ARHGEF10: variants seen among roughly 807,000 people sequenced by gnomAD.
The protein encoded by ARHGEF10 is Rho guanine nucleotide exchange factor 10.
Under a neutral mutation model 147.4 loss-of-function variants are expected in ARHGEF10, and 140 were observed. The ratio of observed to expected loss-of-function variants is 0.95; its 90% CI spans 0.83 to 1.09. The LOEUF is 1.09. ARHGEF10 is among the 50% of genes least tolerant of loss of function. ARHGEF10 has a pLI of 0.00. For synonymous variants in ARHGEF10, 902 were observed against 695.8 expected (o/e 1.30, Z -4.67); for missense variants, 2,222 against 1,752.7 (o/e 1.27, Z -4.78).
chr8:1,903,229 G>T, intron 15 of ARHGEF10, 52 bp from the exon 16 acceptor site: 1 of 1,605,060 alleles, frequency 6.2e-7, no homozygotes, highest in Non-Finnish European at 8.5e-7. Context: ...GACTGTTGTT[G>T]CACTGGGAGT....
intron 4 of ARHGEF10, among the ~76,000 whole-genome samples, chr8:1,860,393 C>G (rs1473528634): frequency 2.8e-5 from 4 of 142,054 alleles, no homozygotes; most frequent in South Asian, 4.5e-4. Flanking sequence ...AACCTTCCCC[C>G]CTCCTCCTCC....
chr8:1,824,399 G>A (rs1218393606), intron 1 of ARHGEF10, among the ~76,000 whole-genome samples: 1 of 152,032 alleles, frequency 6.6e-6, no homozygotes, highest in Non-Finnish European at 1.5e-5. Context: ...AGCGAACTCC[G>A]ATCGGCGGAA....
At chr8:1,858,242 C>CCCCAGGTGAGTCCCCTGGGGGGTT (rs1202366436) in intron 3 of ARHGEF10, 127 bp downstream of exon 3, 4 of 852,318 alleles carry the variant, frequency 4.7e-6, no homozygotes, top group Admixed American at 5.9e-5. Flanking sequence ...CCAGGTGGGT[C>CCCCAGGTGAGTCCCCTGGGGGGTT]CCCAGGTGAG....
chr8:1,856,416 C>G (rs1235834707), intron 2 of ARHGEF10, among the ~76,000 whole-genome samples: 1 of 152,176 alleles, frequency 6.6e-6, no homozygotes, highest in Non-Finnish European at 1.5e-5. Context: ...CTGGGCCCCT[C>G]TGTGTATTTG....
Position 1,844,596 on chromosome 8 carries a change from A to G in ARHGEF10, c.37+1160A>G, listed in dbSNP as rs149844306. Among the ~76,000 whole-genome samples the G allele has an allele frequency of 8.1e-3, 1,232 of 152,232 alleles. 8 individuals are homozygous for G. Among genetic ancestry groups the G allele is most frequent in the Non-Finnish European group, 0.013 (905 of 68,004 alleles). ...GCTCCTGGAGTTCTCCGGAGCCGCA[A>G]GACCACGGGGTACGGGACCCGGTAC... is the stretch of plus-strand genomic sequence containing the variant. On this transcript the variant is annotated intron_variant, in intron 2 of 28. Coordinates refer to ENST00000349830, the MANE Select transcript of ARHGEF10 (RefSeq NM_014629.4).
At chr8:1,942,717 A>G (rs1332081190) in intron 26 of ARHGEF10, among the ~76,000 whole-genome samples, 1 of 152,168 alleles carries the variant, frequency 6.6e-6, no homozygotes, top group African/African-American at 2.4e-5. Context: ...GGACAAACAG[A>G]ATGTGGTTCC....
At chr8:1,858,829 C>G (rs979205588) in intron 3 of ARHGEF10, 2 of 87,760 alleles carry the variant, frequency 2.3e-5, no homozygotes, top group Non-Finnish European at 5.0e-5. Context: ...GTAGTACCAG[C>G]CTGTCAGTTT....
intron 9 of ARHGEF10, among the ~76,000 whole-genome samples, chr8:1,881,443 C>A (rs946812260): frequency 6.6e-6 from 1 of 152,174 alleles, no homozygotes; most frequent in Admixed American, 6.5e-5. Context: ...GACGGAAACG[C>A]GCAGGCGGGC....
intron 27 of ARHGEF10, among the ~76,000 whole-genome samples, chr8:1,947,220 G>T (rs1814661753): frequency 6.6e-6 from 1 of 152,206 alleles, no homozygotes; most frequent in Non-Finnish European, 1.5e-5. Flanking sequence ...TACACAAGGG[G>T]AGGTGAGGAG....
chr8:1,829,482 G>A (rs954293728), intron 1 of ARHGEF10, among the ~76,000 whole-genome samples: 2 of 152,210 alleles, frequency 1.3e-5, no homozygotes, highest in Admixed American at 1.3e-4. Flanking sequence ...TAAGAAAGTC[G>A]ACTCATGCTT....
Position 1,889,432 on chromosome 8 carries a change from TCTGTG to T in ARHGEF10, c.1182+3726_1182+3730del, listed in dbSNP as rs1173265647. On this transcript the variant is annotated intron_variant, in intron 11 of 28. Transcript: ENST00000349830. ...AGGAGACACTGAGTGGGGTGAGGGG[TCTGTG>T]AGGAGACACTGAGTGGGGTGAGGGG... is the stretch of plus-strand genomic sequence containing the variant. 4.6e-4 allele frequency among the ~76,000 whole-genome samples: 21 copies of T among 45,312 alleles called. 7 individuals carry two copies. The highest frequency in any genetic ancestry group is 2.7e-3 in the African/African-American group (21 of 7,694). 29.7% of individuals were successfully genotyped at this position (45,312 alleles called of 152,430 possible). A position where few individuals can be genotyped will look rare whatever the true frequency, so the allele number is the denominator to read the frequency against.
In ARHGEF10 at chr8:1,928,639, G is replaced by A. The variant is rs534724203; in HGVS notation, c.2910G>A (p.Thr970=). ...ATGTCCCCACGATCTGTGTAGGGAC[G>A]GAGGAGGGAAGGTAGGGCATGCTCA... ...ASDVPTICVG[T]EEGSISIYKS... Residue 970 remains threonine, a synonymous_variant, in exon 24 of 29, where the codon ACG becomes ACA. Transcript: ENST00000349830. The A allele has an allele frequency of 9.3e-6, 15 of 1,614,088 alleles. 1 individual carries two copies. Among genetic ancestry groups the A allele is most frequent in the Middle Eastern group, 1.7e-4 (1 of 6,048 alleles).
At chr8:1,885,744 C>T in intron 11 of ARHGEF10, 37 bp downstream of exon 11, 2 of 1,441,042 alleles carry the variant, frequency 1.4e-6, no homozygotes, top group South Asian at 1.1e-5. Flanking sequence ...TGTTGACCAG[C>T]AGAGCTGTGC....
Position 1,894,466 on chromosome 8 carries a change from G to A in ARHGEF10, c.1334G>A (p.Arg445Gln), listed in dbSNP as rs1411935030. 3.1e-6 allele frequency: 5 copies of A among 1,614,208 alleles called. No homozygotes were observed. The highest frequency in any genetic ancestry group is 3.4e-6 in the Non-Finnish European group (4 of 1,180,032). ...SERKLKTVFY[R>Q]VKEILQCHSL... ...AGGAAGCTGAAGACGGTGTTCTACC[G>A]AGTCAAAGAGATCCTGCAGTGCCAC... The change falls in exon 13 of 29, where the codon CGA becomes CAA. Residue 445 changes from arginine to glutamine, a missense_variant. Transcript: ENST00000349830.
intron 7 of ARHGEF10, among the ~76,000 whole-genome samples, chr8:1,873,973 C>G (rs1807415461): frequency 6.6e-6 from 1 of 152,176 alleles, no homozygotes; most frequent in Non-Finnish European, 1.5e-5. Flanking sequence ...CCTCCATAGG[C>G]CACTTTTTAA....
rs570262976 is a variant in ARHGEF10, at chr8:1,937,384, T to C, written c.3222+3442T>C. 3.3e-5 allele frequency among the ~76,000 whole-genome samples: 5 copies of C among 152,288 alleles called. No homozygotes were observed. In the East Asian group the frequency reaches 7.7e-4, roughly 24 times the overall value. On this transcript the variant is annotated intron_variant, in intron 26 of 28. Transcript: ENST00000349830. The surrounding 1 kb of genome is among the most constrained non-coding windows in gnomAD (Gnocchi z 4.9). The stretch of plus-strand genomic sequence containing the variant: ...TATTTACAGAGGGAGCTCAGCCATA[T>C]AGTATACGGTGATCTTGGATCAGCC...
intron 26 of ARHGEF10, among the ~76,000 whole-genome samples, chr8:1,940,171 C>G (rs544455729): frequency 1.8e-4 from 27 of 152,276 alleles, no homozygotes; most frequent in South Asian, 1.0e-3. Flanking sequence ...CTTTGCTCCT[C>G]TATAGTCACA....
At chr8:1,869,464 T>A in intron 7 of ARHGEF10, 1 of 677,704 alleles carries the variant, frequency 1.5e-6, no homozygotes, top group Non-Finnish European at 2.7e-6. Context: ...CAGTTTAATC[T>A]TACTTATCCC....
chr8:1,929,810 C>A (rs949616391), intron 25 of ARHGEF10, among the ~76,000 whole-genome samples: 2 of 152,320 alleles, frequency 1.3e-5, no homozygotes, highest in South Asian at 2.1e-4. Flanking sequence ...CCTGGGCCAG[C>A]CCTCTTTGCC....
Sources: gnomAD v4.1 joint callset for allele counts (sites outside exome capture counted in the v4.1 genomes callset) on GRCh38, gnomAD v4.1.1 for gene constraint, Gnocchi (gnomAD v3.1) non-coding constraint, MANE v1.5 for transcripts, NCBI Gene and HGNC (gene_info 2026-07-23, HGNC 2026-07-21) for gene names.